The following NAA16 variants were observed in gnomAD, a reference collection of about 807,000 sequenced individuals.
The protein encoded by NAA16 is N-alpha-acetyltransferase 16, NatA auxiliary subunit.
A neutral mutation model predicts 110.3 loss-of-function variants in NAA16; 97 were observed. The ratio of observed to expected loss-of-function variants is 0.88; its 90% CI spans 0.75 to 1.04. NAA16 has a LOEUF of 1.04. NAA16 is among the 50% of genes least tolerant of loss of function. The probability of loss-of-function intolerance (pLI) is 0.00; values close to 1 mark genes in which losing one functional copy is unlikely to be tolerated. For missense variants in NAA16, 1,017 were observed against 1,005.1 expected (o/e 1.01, Z -0.16); for synonymous variants, 372 against 330.6 (o/e 1.13, Z -1.36).
At chr13:41,335,306 T>C (rs74049129) in intron 8 of NAA16, among the ~76,000 whole-genome samples, 11,283 of 152,256 alleles carry the variant, frequency 0.074, 1,390 homozygotes, top group African/African-American at 0.26. Flanking sequence ...CATACAAATG[T>C]ACTCTTGAGG....
At chr13:41,311,965 C>G (rs780144591) in intron 1 of NAA16, among the ~76,000 whole-genome samples, 13 of 152,242 alleles carry the variant, frequency 8.5e-5, no homozygotes, top group Non-Finnish European at 1.9e-4. Flanking sequence ...TTGCCAGTCT[C>G]TCCTCGGCTA....
intron 9 of NAA16, among the ~76,000 whole-genome samples, chr13:41,353,350 T>C (rs994768546): frequency 6.6e-6 from 1 of 152,146 alleles, no homozygotes. Flanking sequence ...GAGGTTATGG[T>C]GGATTAAAAA....
At chr13:41,328,120 G>C (rs1378516898) in intron 6 of NAA16, 1 of 152,032 alleles carries the variant, frequency 6.6e-6, no homozygotes, top group African/African-American at 2.4e-5. Context: ...TGAGAGGTCT[G>C]GGACCTCATT....
intron 9 of NAA16, among the ~76,000 whole-genome samples, chr13:41,340,501 T>C (rs2042507583): frequency 6.6e-6 from 1 of 152,170 alleles, no homozygotes; most frequent in Non-Finnish European, 1.5e-5. Flanking sequence ...CTGCTTTAAA[T>C]GTGTCCCAGA....
At chr13:41,325,911 T>C in intron 6 of NAA16, 60 bp downstream of exon 6, 1 of 1,370,634 alleles carries the variant, frequency 7.3e-7, no homozygotes, top group Non-Finnish European at 1.0e-6. Context: ...CTATATATTT[T>C]ATTCTCTCCT....
chr13:41,328,442 A>T (rs1025219312), intron 6 of NAA16, among the ~76,000 whole-genome samples: 1 of 152,100 alleles, frequency 6.6e-6, no homozygotes, highest in African/African-American at 2.4e-5. Flanking sequence ...ACTTATTTCA[A>T]AGAGTATAAG....
At chr13:41,316,473 A>G (rs971703063) in intron 1 of NAA16, among the ~76,000 whole-genome samples, 3 of 151,716 alleles carry the variant, frequency 2.0e-5, no homozygotes, top group Middle Eastern at 3.2e-3. Context: ...CACCCAGCTA[A>G]TTTTTGTATT....
chr13:41,358,216 T>C, intron 10 of NAA16, 88 bp from the exon 11 acceptor site: 2 of 1,104,232 alleles, frequency 1.8e-6, no homozygotes, highest in Non-Finnish European at 2.6e-6. Flanking sequence ...ATTATTGCAA[T>C]AGTCATTTCA....
chr13:41,311,392 A>G lies in NAA16; in HGVS notation c.-137A>G. 1.3e-6 allele frequency: 1 copy of G among 788,478 alleles called. No homozygotes were observed. 48.8% of individuals were successfully genotyped at this position (788,478 alleles called of 1,614,324 possible). A position where few individuals can be genotyped will look rare whatever the true frequency, so the allele number is the denominator to read the frequency against. On this transcript the variant is annotated 5_prime_UTR_variant, in exon 1 of 20. Coordinates refer to ENST00000379406, the MANE Select transcript of NAA16 (RefSeq NM_024561.5). Reference sequence around the variant, plus strand: ...CCGAACAGCCAGGCTGCCCAATTGCAACTGTAGACCAATGAACTAATCCAT... The same window carrying G: ...CCGAACAGCCAGGCTGCCCAATTGCGACTGTAGACCAATGAACTAATCCAT...
At chr13:41,333,290 G>A (rs777483637) in intron 8 of NAA16, among the ~76,000 whole-genome samples, 26 of 151,906 alleles carry the variant, frequency 1.7e-4, no homozygotes, top group Non-Finnish European at 1.0e-4. Flanking sequence ...TCCATATACC[G>A]TAAAACTCAC....
intron 13 of NAA16, 160 bp downstream of exon 13, chr13:41,362,319 G>T: frequency 1.5e-6 from 1 of 668,666 alleles, no homozygotes; most frequent in Non-Finnish European, 2.4e-6. Flanking sequence ...GTAAACAATG[G>T]ATTGCTTTAC....
rs761785002 is a variant in NAA16, at chr13:41,373,756, A to G, written c.2275A>G (p.Thr759Ala). 2.5e-6 allele frequency: 4 copies of G among 1,606,404 alleles called. No homozygotes were observed. The highest frequency in any genetic ancestry group is 2.2e-5 in the South Asian group (2 of 89,120). The change falls in exon 18 of 20, where the codon ACC (threonine) becomes GCC (alanine). Residue 759 changes from threonine to alanine, a missense_variant. Physicochemically the swap from Thr to Ala is moderately conservative, Grantham distance 58. Coordinates refer to ENST00000379406, the MANE Select transcript of NAA16 (RefSeq NM_024561.5). The part of the protein sequence containing the change: ...FNEDFLKRNA[T>A]SLQHLLSGAK... ...TGAGGATTTTCTGAAACGTAACGCT[A>G]CCTCTCTTCAGCATCTACTTTCAGG...
chr13:41,341,899 T>A (rs2042558623), intron 9 of NAA16, among the ~76,000 whole-genome samples: 1 of 150,646 alleles, frequency 6.6e-6, no homozygotes, highest in African/African-American at 2.5e-5. Context: ...TGGCGCAATC[T>A]CTGCTCACTG....
intron 6 of NAA16, among the ~76,000 whole-genome samples, chr13:41,326,892 T>A (rs2042106349): frequency 6.6e-6 from 1 of 152,174 alleles, no homozygotes; most frequent in Admixed American, 6.5e-5. Context: ...CAAAGTAGTT[T>A]CACTGCCCTA....
intron 8 of NAA16, among the ~76,000 whole-genome samples, chr13:41,334,937 A>C (rs74888719): frequency 6.6e-6 from 1 of 152,178 alleles, no homozygotes; most frequent in Non-Finnish European, 1.5e-5. Flanking sequence ...GCAAAAGTGC[A>C]GTAACATGGA....
At chr13:41,346,502 G>A (rs962291097) in intron 9 of NAA16, among the ~76,000 whole-genome samples, 2 of 152,190 alleles carry the variant, frequency 1.3e-5, no homozygotes, top group Non-Finnish European at 1.5e-5. Context: ...TGGGGAAGAC[G>A]CTAGGGTGGT....
Position 41,323,195 on chromosome 13 carries a change from G to C in NAA16, c.537+5G>C. On this transcript the variant is annotated splice_donor_5th_base_variant and intron_variant, in intron 5 of 19. Transcript: ENST00000379406. ...GAATTTAGACAAACTCAGCAAGTAA[G>C]AATTTTAATGTTTCCTTCTACCTTC... 6.2e-7 allele frequency: 1 copy of C among 1,612,948 alleles called. No individual in the cohort carries two copies. The highest frequency in any genetic ancestry group is 8.5e-7 in the Non-Finnish European group (1 of 1,179,518).
At chr13:41,374,595 A>G (rs2099889891) in intron 18 of NAA16, 147 bp from the exon 19 acceptor site, 1 of 558,594 alleles carries the variant, frequency 1.8e-6, no homozygotes, top group Admixed American at 3.4e-5. Context: ...GAAATGTCAC[A>G]CTTGGCTCTC....
intron 9 of NAA16, among the ~76,000 whole-genome samples, chr13:41,352,900 C>G (rs1367848391): frequency 1.3e-5 from 2 of 151,986 alleles, no homozygotes; most frequent in Non-Finnish European, 2.9e-5. Context: ...TTGTGGTACC[C>G]TTTATTGTTA....
Sources: allele counts gnomAD v4.1 joint callset (sites outside exome capture counted in the v4.1 genomes callset), GRCh38; gene constraint gnomAD v4.1.1; transcripts MANE v1.5; gene names NCBI Gene and HGNC (gene_info 2026-07-23, HGNC 2026-07-21).